QSER1: variants seen among roughly 807,000 people sequenced by gnomAD.
QSER1 encodes glutamine and serine-rich protein 1.
In QSER1, 49 loss-of-function variants were observed where a neutral mutation model predicts 158.5. That is an observed-to-expected ratio of 0.31 (90% CI 0.25 to 0.39). QSER1 has a LOEUF of 0.39. Ranked by LOEUF, QSER1 falls within the 10% of genes least tolerant of loss-of-function variation. QSER1 has a pLI of 1.00. For missense variants in QSER1, 1,754 were observed against 2,010.3 expected (o/e 0.87, Z 2.44); for synonymous variants, 650 against 715.5 (o/e 0.91, Z 1.46).
intron 1 of QSER1, among the ~76,000 whole-genome samples, chr11:32,922,662 T>G (rs190664139): frequency 1.6e-4 from 24 of 152,084 alleles, no homozygotes; most frequent in Non-Finnish European, 2.5e-4. Context: ...TTTTTGTATT[T>G]TTAGTAGAGA....
chr11:32,955,995 G>T lies in QSER1; in HGVS notation c.4625G>T (p.Gly1542Val). The T allele has an allele frequency of 6.2e-7, 1 of 1,603,434 alleles. No individual in the cohort carries two copies. Among genetic ancestry groups the T allele is most frequent in the Non-Finnish European group, 8.5e-7 (1 of 1,173,200 alleles). Residue 1542 changes from glycine (G) to valine (V), a missense_variant, in exon 7 of 13, where the codon GGA becomes GTA. Transcript: ENST00000650167. The part of the protein sequence containing the change: ...REFAATNSYL[G>V]YFGDAKSKYK... The stretch of plus-strand genomic sequence containing the variant: ...AAGTGTTTCCTTCCTCAGTATCTTG[G>T]ATATTTTGGAGATGCAAAGAGTAAA...
At chr11:32,900,948 G>A (rs1458931098) in intron 1 of QSER1, among the ~76,000 whole-genome samples, 2 of 152,112 alleles carry the variant, frequency 1.3e-5, no homozygotes, top group Admixed American at 6.6e-5. Context: ...TATATGTATC[G>A]TTTATTACCA....
chr11:32,965,411 G>A (rs1272232516), intron 8 of QSER1, among the ~76,000 whole-genome samples: 2 of 151,982 alleles, frequency 1.3e-5, no homozygotes, highest in Non-Finnish European at 2.9e-5. Context: ...CACTGCACCT[G>A]CCATACTTTA....
chr11:32,956,149 G>A (rs780934440), intron 7 of QSER1, 28 bp downstream of exon 7: 3 of 1,570,122 alleles, frequency 1.9e-6, no homozygotes, highest in African/African-American at 1.4e-5. Flanking sequence ...TGATATATTT[G>A]TGCATATATA....
intron 4 of QSER1, among the ~76,000 whole-genome samples, chr11:32,947,210 GCTGTAGAC>G (rs1852350841): frequency 6.6e-6 from 1 of 152,236 alleles, no homozygotes; most frequent in African/African-American, 2.4e-5. Context: ...CAGGCTGGGA[GCTGTAGAC>G]CGGAGCTGTT....
intron 1 of QSER1, among the ~76,000 whole-genome samples, chr11:32,917,493 A>G (rs1052146183): frequency 2.6e-5 from 4 of 152,108 alleles, no homozygotes; most frequent in Non-Finnish European, 4.4e-5. Context: ...CTTAATGTCA[A>G]ATGTAATCTT....
chr11:32,908,222 A>G lies in QSER1; in HGVS notation c.209+14888A>G, dbSNP rs188098108. Among the ~76,000 whole-genome samples the G allele has an allele frequency of 3.7e-4, 57 of 152,292 alleles. No homozygotes were observed. The East Asian group carries it at 0.01, about 27-fold the overall frequency. On this transcript the variant is annotated intron_variant, in intron 1 of 12. Transcript: ENST00000650167. ...ATAATGCAAATGATGACAAATAGAA[A>G]AAGAAGATGATGAAATGCAATTTTG...
intron 1 of QSER1, among the ~76,000 whole-genome samples, chr11:32,897,532 C>T (rs562712857): frequency 1.3e-5 from 2 of 152,298 alleles, no homozygotes; most frequent in African/African-American, 4.8e-5. Flanking sequence ...ACTTTTCTGG[C>T]CCAACGCTTT....
chr11:32,905,360 C>T (rs1851679384), intron 1 of QSER1, among the ~76,000 whole-genome samples: 1 of 152,194 alleles, frequency 6.6e-6, no homozygotes, highest in South Asian at 2.1e-4. Flanking sequence ...TCAGGTTGAG[C>T]AAAACTGCAA....
At chr11:32,955,770 C>G (rs994862672) in intron 6 of QSER1, among the ~76,000 whole-genome samples, 2 of 152,052 alleles carry the variant, frequency 1.3e-5, no homozygotes, top group African/African-American at 4.8e-5. Flanking sequence ...TTCTGTCATA[C>G]TTAATGTAGC....
At chr11:32,898,122 G>A (rs1851578657) in intron 1 of QSER1, among the ~76,000 whole-genome samples, 1 of 152,092 alleles carries the variant, frequency 6.6e-6, no homozygotes, top group African/African-American at 2.4e-5. Context: ...CTACAAGTTT[G>A]CTCTTGGTCC....
chr11:32,962,538 A>G (rs140512257), intron 8 of QSER1, among the ~76,000 whole-genome samples: 182 of 152,180 alleles, frequency 1.2e-3, no homozygotes, highest in African/African-American at 4.0e-3. Context: ...CAATTTACTT[A>G]TTTTTTCTTT....
At chr11:32,946,699 C>G (rs1022688536) in intron 4 of QSER1, among the ~76,000 whole-genome samples, 34 of 152,176 alleles carry the variant, frequency 2.2e-4, no homozygotes, top group African/African-American at 7.9e-4. Context: ...CTGTACCCTG[C>G]CCCCAGAGGT....
intron 1 of QSER1, among the ~76,000 whole-genome samples, chr11:32,900,892 T>G (rs190665258): frequency 1.3e-5 from 2 of 152,328 alleles, no homozygotes; most frequent in South Asian, 2.1e-4. Context: ...CATGACAGTT[T>G]TACCTCTTCA....
At chr11:32,955,505 T>A in intron 6 of QSER1, 93 bp downstream of exon 6, 1 of 604,488 alleles carries the variant, frequency 1.7e-6, no homozygotes, top group Non-Finnish European at 2.8e-6. Context: ...TATTGAATAT[T>A]TTTGATATAA....
intron 4 of QSER1, among the ~76,000 whole-genome samples, chr11:32,943,326 A>G (rs1249752657): frequency 6.8e-6 from 1 of 147,774 alleles, no homozygotes; most frequent in African/African-American, 2.5e-5. Flanking sequence ...TTCAAAGGGA[A>G]TGCTTCCAGT....
At chr11:32,908,636 A>T (rs1200479057) in intron 1 of QSER1, among the ~76,000 whole-genome samples, 1 of 152,242 alleles carries the variant, frequency 6.6e-6, no homozygotes, top group Non-Finnish European at 1.5e-5. Context: ...TTCATTGCAT[A>T]GACATAGCAC....
chr11:32,975,244 A>C lies in QSER1; in HGVS notation c.5359-4A>C. On this transcript the variant is annotated splice_region_variant and splice_polypyrimidine_tract_variant and intron_variant, in intron 11 of 12. Coordinates refer to ENST00000650167, the MANE Select transcript of QSER1 (RefSeq NM_001076786.3). Reference sequence around the variant, plus strand: ...TGTATCTATAAACTTTTTTCTTTTTATAGGAGTTTGCTGTCGATCCAGAGA... The same window carrying C: ...TGTATCTATAAACTTTTTTCTTTTTCTAGGAGTTTGCTGTCGATCCAGAGA... The C allele has an allele frequency of 6.5e-7, 1 of 1,537,444 alleles. No individual in the cohort carries two copies.
intron 1 of QSER1, among the ~76,000 whole-genome samples, chr11:32,896,752 C>T (rs1486276633): frequency 6.6e-6 from 1 of 151,884 alleles, no homozygotes; most frequent in Non-Finnish European, 1.5e-5. Flanking sequence ...CTAATGCATA[C>T]TTTTTTTTAG....
Sources: allele counts gnomAD v4.1 joint callset (sites outside exome capture counted in the v4.1 genomes callset), GRCh38; gene constraint gnomAD v4.1.1; transcripts MANE v1.5; gene names NCBI Gene and HGNC (gene_info 2026-07-23, HGNC 2026-07-21).